COG3: variants seen among roughly 807,000 people sequenced by gnomAD.
COG3 encodes the protein conserved oligomeric Golgi complex subunit 3.
A neutral mutation model predicts 114.1 loss-of-function variants in COG3; 32 were observed. The observed-to-expected ratio is 0.28, with a 90% CI of 0.21 to 0.38. The LOEUF (loss-of-function observed/expected upper bound fraction) is 0.38. COG3 is among the 10% of genes least tolerant of loss of function. COG3 has a pLI of 1.00. For missense variants in COG3, 813 were observed against 973.2 expected, an observed-to-expected ratio of 0.84 and a Z score of 2.19; for synonymous variants, 352 against 365.7, an observed-to-expected ratio of 0.96 and a Z score of 0.43.
At position 45,528,499 on chromosome 13, in the gene COG3, T is replaced by C. The variant is rs755237891; in HGVS notation, c.2231-1292T>C. 2.5e-4 allele frequency among the ~76,000 whole-genome samples: 38 copies of C among 152,196 alleles called. 1 individual carries two copies. The highest frequency in any genetic ancestry group is 7.3e-5 in the Non-Finnish European group (5 of 68,028). Reference sequence around the variant, plus strand: ...CTCAATTAAAACATTGTTTTTTACATGGTATATTATTTGAACTATGAAAAG... The same window carrying C: ...CTCAATTAAAACATTGTTTTTTACACGGTATATTATTTGAACTATGAAAAG... On this transcript the variant is annotated intron_variant, in intron 20 of 22. Transcript: ENST00000349995.
rs549750818 is a variant in COG3, at chr13:45,524,072, G to A, written c.2155-904G>A. Among the ~76,000 whole-genome samples, 19 of 152,112 alleles carry A rather than the reference G, an allele frequency of 1.2e-4. No homozygotes were observed. In the South Asian group the frequency reaches 4.0e-3, roughly 32 times the overall value. ...GAGAAATAGAAACTAGAAATAAAGG[G>A]GAGGCTGAAGAGATCCAAGTCAACA... On this transcript the variant is annotated intron_variant, in intron 19 of 22. Transcript: ENST00000349995.
At chr13:45,530,934 T>G in intron 22 of COG3, 154 bp downstream of exon 22, 1 of 982,784 alleles carries the variant, frequency 1.0e-6, no homozygotes, top group Middle Eastern at 5.2e-4. Context: ...CTTTGAATTG[T>G]TCTCTCAAAC....
chr13:45,477,573 G>A (rs142481039), intron 2 of COG3, among the ~76,000 whole-genome samples: 1 of 151,420 alleles, frequency 6.6e-6, no homozygotes, highest in South Asian at 2.1e-4. Context: ...TTAAATAATA[G>A]ATATTTTTCA....
intron 20 of COG3, among the ~76,000 whole-genome samples, chr13:45,526,329 G>A (rs1872693613): frequency 1.3e-5 from 2 of 151,558 alleles, no homozygotes; most frequent in South Asian, 2.1e-4. Context: ...CAGGCGATCC[G>A]CCCACCTCGA....
At chr13:45,512,112 T>C (rs1870932956) in intron 16 of COG3, 1 of 334,716 alleles carries the variant, frequency 3.0e-6, no homozygotes. Flanking sequence ...AGGTTTCTTG[T>C]TGTAGTCCTA....
At chr13:45,522,280 G>A (rs1872241555) in intron 19 of COG3, among the ~76,000 whole-genome samples, 1 of 151,992 alleles carries the variant, frequency 6.6e-6, no homozygotes. Context: ...TTCTAAGTTT[G>A]GACTGATTTT....
intron 22 of COG3, among the ~76,000 whole-genome samples, chr13:45,531,781 C>T (rs963749901): frequency 1.3e-5 from 2 of 152,124 alleles, no homozygotes; most frequent in Admixed American, 6.5e-5. Context: ...GCTGGGATTA[C>T]AGTCGAGCCA....
intron 7 of COG3, among the ~76,000 whole-genome samples, chr13:45,483,705 G>A (rs1886396407): frequency 6.6e-6 from 1 of 152,148 alleles, no homozygotes; most frequent in African/African-American, 2.4e-5. Context: ...CTGTGTCTGA[G>A]TGGTGGGTTA....
At chr13:45,508,431 CATAT>C (rs1388129131) in intron 14 of COG3, among the ~76,000 whole-genome samples, 2 of 138,406 alleles carry the variant, frequency 1.4e-5, no homozygotes, top group Non-Finnish European at 3.2e-5. Flanking sequence ...CACACATACA[CATAT>C]ATATACATAT....
At position 45,486,564 on chromosome 13, in the gene COG3, C is replaced by G. The variant is rs551504033; in HGVS notation, c.913C>G (p.Pro305Ala). Residue 305 changes from proline to alanine, a missense_variant, in exon 8 of 23, where the codon CCC becomes GCC. Coordinates refer to ENST00000349995, the MANE Select transcript of COG3 (RefSeq NM_031431.4). Reference protein sequence around the residue: ...LFYVKFRAAAPKVRTLIEQIE... With the variant: ...LFYVKFRAAAAKVRTLIEQIE... ...TTATGTGAAATTTCGAGCTGCTGCC[C>G]CCAAAGTCAGAGTAAGTCTATTGAC... 85 of 1,601,528 alleles carry G rather than the reference C, an allele frequency of 5.3e-5. No homozygotes were observed. The East Asian group carries it at 1.9e-3, about 35-fold the overall frequency.
intron 8 of COG3, among the ~76,000 whole-genome samples, chr13:45,487,952 A>G (rs1166540973): frequency 2.6e-5 from 4 of 152,246 alleles, no homozygotes; most frequent in African/African-American, 9.6e-5. Flanking sequence ...ACTATTCGCA[A>G]TAGTAAAGAT....
rs1885853011 is a variant in COG3, at chr13:45,476,219, T to G, written c.193T>G (p.Cys65Gly). 1 of 1,613,930 alleles carries G rather than the reference T, an allele frequency of 6.2e-7. No homozygotes were observed. The highest frequency in any genetic ancestry group is 2.2e-5 in the East Asian group (1 of 44,874). Reference protein sequence around the residue: ...VPAELPIEDLCSLTSQSLPIE... With the variant: ...VPAELPIEDLGSLTSQSLPIE... Reference sequence around the variant, plus strand: ...TTTCAAGCTTCCAATTGAAGACTTGTGCAGTTTAACATCCCAGTCACTGCC... The same window carrying G: ...TTTCAAGCTTCCAATTGAAGACTTGGGCAGTTTAACATCCCAGTCACTGCC... Residue 65 changes from cysteine to glycine, a missense_variant, in exon 2 of 23, where the codon TGC becomes GGC. Cys to Gly is a radical substitution (Grantham distance 159). Around this residue, in one of 2 missense-constraint regions of COG3, gnomAD observed 424 missense variants for 430.6 expected, o/e 0.98. Transcript: ENST00000349995.
chr13:45,491,386 G>A (rs1279660066), intron 9 of COG3, 26 bp from the exon 10 acceptor site: 5 of 1,591,462 alleles, frequency 3.1e-6, no homozygotes, highest in Non-Finnish European at 3.4e-6. Flanking sequence ...GAAATGAAAA[G>A]TTTAATCTCA....
At chr13:45,493,176 T>C (rs905455382) in intron 11 of COG3, among the ~76,000 whole-genome samples, 171 bp from the exon 12 acceptor site, 1 of 152,204 alleles carries the variant, frequency 6.6e-6, no homozygotes, top group Non-Finnish European at 1.5e-5. Context: ...AAAAACTGTT[T>C]ATAGAATTAC....
chr13:45,513,762 G>A lies in COG3; in HGVS notation c.1809+1908G>A, dbSNP rs147222248. On this transcript the variant is annotated intron_variant, in intron 16 of 22. Transcript: ENST00000349995. ...TTTTAACAAGTATTTCCAAGTCTGT[G>A]CCCGCACATTTTTGATAATAGGTGA... Among the ~76,000 whole-genome samples, 90 of 151,760 alleles carry A rather than the reference G, an allele frequency of 5.9e-4. No individual in the cohort carries two copies. In the East Asian group the frequency reaches 0.016, roughly 28 times the overall value.
intron 20 of COG3, among the ~76,000 whole-genome samples, chr13:45,528,415 GA>G: frequency 6.6e-6 from 1 of 152,156 alleles, no homozygotes; most frequent in Non-Finnish European, 1.5e-5. Context: ...TCTGGATCAG[GA>G]CCCCTTTCCA....
intron 8 of COG3, among the ~76,000 whole-genome samples, chr13:45,487,145 A>G (rs972886350): frequency 1.3e-5 from 2 of 152,226 alleles, no homozygotes; most frequent in African/African-American, 4.8e-5. Flanking sequence ...AAAAGCACCA[A>G]GAACATTTTG....
At position 45,491,489 on chromosome 13, in the gene COG3, G is replaced by T. The variant is rs968314767; in HGVS notation, c.1046G>T (p.Cys349Phe). ...CTCCTTTTGGGCCCTAGTATTGCTT[G>T]CACTGTTGCAGAGTTAACCAGCCAA... ...RELLLGPSIA[C>F]TVAELTSQNN... Residue 349 changes from cysteine to phenylalanine, a missense_variant, in exon 10 of 23, where the codon TGC (cysteine) becomes TTC (phenylalanine). Cys to Phe is a radical substitution (Grantham distance 205). Coordinates refer to ENST00000349995, the MANE Select transcript of COG3 (RefSeq NM_031431.4). 1 of 1,613,564 alleles carries T rather than the reference G, an allele frequency of 6.2e-7. No homozygotes were observed. The highest frequency in any genetic ancestry group is 1.3e-5 in the African/African-American group (1 of 75,006).
chr13:45,490,989 C>A, intron 9 of COG3, 31 bp downstream of exon 9: 1 of 1,461,250 alleles, frequency 6.8e-7, no homozygotes, highest in Non-Finnish European at 9.5e-7. Context: ...CTGATTTCCA[C>A]ATGAACCTTT....
Sources: gnomAD v4.1 joint callset for allele counts (sites outside exome capture counted in the v4.1 genomes callset) on GRCh38, gnomAD v4.1.1 for gene constraint, gnomAD v4.1.1 regional missense constraint, MANE v1.5 for transcripts, NCBI Gene and HGNC (gene_info 2026-07-23, HGNC 2026-07-21) for gene names.